The following SLFN5 variants were observed in gnomAD, a reference collection of about 807,000 sequenced individuals.
The protein encoded by SLFN5 is schlafen family member 5.
SLFN5 carries 34 observed loss-of-function variants against 48.5 expected under a neutral mutation model. The ratio of observed to expected loss-of-function variants is 0.70; its 90% confidence interval spans 0.53 to 0.93. The LOEUF (loss-of-function observed/expected upper bound fraction) is 0.93, where lower values mean the gene tolerates loss of function less well. Ranked by LOEUF, SLFN5 falls within the 40% of genes least tolerant of loss-of-function variation. The pLI, the probability that SLFN5 is intolerant of heterozygous loss-of-function variation, is 0.00. For synonymous variants in SLFN5, 387 were observed against 396.2 expected, an observed-to-expected ratio of 0.98 and a Z score of 0.28; for missense variants, 1,006 against 1,071.3, an observed-to-expected ratio of 0.94 and a Z score of 0.85.
intron 2 of SLFN5, among the ~76,000 whole-genome samples, chr17:35,260,641 A>AGACGG (rs1254916147): frequency 4.6e-5 from 7 of 152,216 alleles, no homozygotes; most frequent in African/African-American, 1.7e-4. Flanking sequence ...TGAACCTGAG[A>AGACGG]GACGGAGGTT....
In SLFN5 at chr17:35,266,944, G is replaced by C. The variant is rs1315337444; in HGVS notation, c.*1056G>C. The C allele has an allele frequency of 1.3e-5, 2 of 152,116 alleles. No homozygotes were observed. Among genetic ancestry groups the C allele is most frequent in the Admixed American group, 1.3e-4 (2 of 15,268 alleles). The allele number at this position is 152,116 out of a possible 1,614,324, so 9.4% of individuals were successfully genotyped here. ...TGAGAGACAGAAACTAAAAAATTCA[G>C]AGTTAATTCACTATTAAAAACAGCA... On this transcript the variant is annotated 3_prime_UTR_variant, in exon 5 of 5. Coordinates refer to ENST00000299977, the MANE Select transcript of SLFN5 (RefSeq NM_144975.4).
rs1041488502 is a variant in SLFN5, at chr17:35,271,653, A to G, written c.*5765A>G. ...AAGATTAAAAATTATAAATATATCA[A>G]TTTTCACTGTTAATCTATAAATTCA... On this transcript the variant is annotated 3_prime_UTR_variant, in exon 5 of 5. Transcript: ENST00000299977. 2 of 152,214 alleles carry G rather than the reference A, an allele frequency of 1.3e-5. No individual in the cohort carries two copies. The highest frequency in any genetic ancestry group is 2.9e-5 in the Non-Finnish European group (2 of 68,036). The allele number at this position is 152,214 out of a possible 1,614,324, so 9.4% of individuals were successfully genotyped here. A position where few individuals can be genotyped will look rare whatever the true frequency, so the allele number is the denominator to read the frequency against.
In SLFN5 at chr17:35,270,118, T is replaced by C. The variant is rs1379356646; in HGVS notation, c.*4230T>C. ...TTTTAAAATATTATGTATCATATCC[T>C]TCGATTTAACATAATTCTATCTAGC... On this transcript the variant is annotated 3_prime_UTR_variant, in exon 5 of 5. Coordinates refer to ENST00000299977, the MANE Select transcript of SLFN5 (RefSeq NM_144975.4). 4 of 152,066 alleles carry C rather than the reference T, an allele frequency of 2.6e-5. No individual in the cohort carries two copies. Among genetic ancestry groups the C allele is most frequent in the Non-Finnish European group, 5.9e-5 (4 of 67,998 alleles). 9.4% of individuals were successfully genotyped at this position (152,066 alleles called of 1,614,324 possible). A position where few individuals can be genotyped will look rare whatever the true frequency, so the allele number is the denominator to read the frequency against.
intron 1 of SLFN5, among the ~76,000 whole-genome samples, chr17:35,243,893 G>T (rs2092424835): frequency 6.6e-6 from 1 of 152,214 alleles, no homozygotes; most frequent in Admixed American, 6.5e-5. Context: ...AAGCGAGAAG[G>T]CAAGAGGTCA....
At chr17:35,243,905 G>T (rs1413288749) in intron 1 of SLFN5, among the ~76,000 whole-genome samples, 1 of 152,184 alleles carries the variant, frequency 6.6e-6, no homozygotes, top group Non-Finnish European at 1.5e-5. Flanking sequence ...AAGAGGTCAA[G>T]ATCTCTCAAA....
chr17:35,253,774 T>A (rs138232615), intron 1 of SLFN5, among the ~76,000 whole-genome samples: 1 of 140,774 alleles, frequency 7.1e-6, no homozygotes, highest in Non-Finnish European at 1.5e-5. Context: ...CTCAGCTCAC[T>A]GCAATCTCCA....
intron 1 of SLFN5, among the ~76,000 whole-genome samples, chr17:35,257,734 A>G (rs1214866865): frequency 1.3e-5 from 2 of 151,940 alleles, no homozygotes; most frequent in Non-Finnish European, 2.9e-5. Flanking sequence ...CAAGATGGAA[A>G]CCGTTTGGAT....
chr17:35,264,750 G>T lies in SLFN5; in HGVS notation c.1706G>T (p.Arg569Leu). 1 of 1,600,334 alleles carries T rather than the reference G, an allele frequency of 6.2e-7. No individual in the cohort carries two copies. The highest frequency in any genetic ancestry group is 8.5e-7 in the Non-Finnish European group (1 of 1,174,808). ...KQYELLSKNLRKTRELFVHGL... is the reference protein window; with the variant it reads ...KQYELLSKNLLKTRELFVHGL... ...TATGAGTTGCTTTCAAAGAACCTTCGCAAGACCAGAGAGTTGTTTGTTCAT... is the reference window on the plus strand; with the variant it reads ...TATGAGTTGCTTTCAAAGAACCTTCTCAAGACCAGAGAGTTGTTTGTTCAT... Residue 569 changes from arginine to leucine, a missense_variant, in exon 4 of 5, where the codon CGC (arginine) becomes CTC (leucine). Arg to Leu is a moderately radical substitution (Grantham distance 102, BLOSUM62 -2). Transcript: ENST00000299977.
At chr17:35,251,699 C>T (rs1049840317) in intron 1 of SLFN5, among the ~76,000 whole-genome samples, 1 of 135,098 alleles carries the variant, frequency 7.4e-6, no homozygotes, top group Admixed American at 8.3e-5. Flanking sequence ...CCATGGCGCC[C>T]GGACTTTTTT....
rs1017180842 is a variant in SLFN5 at position 35,266,021 on chromosome 17, C to T, written c.*133C>T. On this transcript the variant is annotated 3_prime_UTR_variant, in exon 5 of 5. Transcript: ENST00000299977. ...TTTTCTAGGTGCTGGGGATTGAGAA[C>T]GAATCGATGTAAGATTCCTCCTTTA... 4.7e-5 allele frequency: 44 copies of T among 935,826 alleles called. No homozygotes were observed. Among genetic ancestry groups the T allele is most frequent in the Non-Finnish European group, 6.0e-5 (39 of 647,674 alleles). 58.0% of individuals were successfully genotyped at this position (935,826 alleles called of 1,614,324 possible).
intron 3 of SLFN5, among the ~76,000 whole-genome samples, chr17:35,263,139 A>AT (rs946785350): frequency 7.3e-5 from 11 of 150,552 alleles, no homozygotes; most frequent in South Asian, 2.1e-4. Context: ...TTATTTATTT[A>AT]TTTTTTTTTG....
chr17:35,248,893 G>A lies in SLFN5; in HGVS notation c.-41+5750G>A, dbSNP rs11080329. 3.7e-3 allele frequency among the ~76,000 whole-genome samples: 560 copies of A among 152,218 alleles called. 12 individuals carry two copies. In the East Asian group the frequency reaches 0.065, roughly 18 times the overall value. ...AGGTGCTAAATCCTGGAGGGCAAAA[G>A]CTGATTGGACAGACTCAGAAAGGGA... On this transcript the variant is annotated intron_variant, in intron 1 of 4. Coordinates refer to ENST00000299977, the MANE Select transcript of SLFN5 (RefSeq NM_144975.4).
At chr17:35,248,027 C>T (rs553090221) in intron 1 of SLFN5, among the ~76,000 whole-genome samples, 11 of 152,282 alleles carry the variant, frequency 7.2e-5, no homozygotes, top group African/African-American at 2.4e-4. Context: ...GGACCTGAGA[C>T]ACAAAGTGCA....
In SLFN5 at chr17:35,260,985, C is replaced by T; in HGVS notation, c.1027C>T (p.Pro343Ser). The change falls in exon 3 of 5, where the codon CCT (proline) becomes TCT (serine). Residue 343 changes from proline to serine, a missense_variant. Physicochemically the swap from Pro to Ser is moderately conservative, Grantham distance 74. Transcript: ENST00000299977. ...TGTTTCCTAAGACCTTTCCAGGTGT[C>T]CTGAGATGGTTCTCCAGTTGAGTTT... ...MEADPDLSRCPEMVLQLSLSS... is the reference protein window; with the variant it reads ...MEADPDLSRCSEMVLQLSLSS... 2 of 1,613,862 alleles carry T rather than the reference C, an allele frequency of 1.2e-6. No homozygotes were observed. The highest frequency in any genetic ancestry group is 1.7e-6 in the Non-Finnish European group (2 of 1,179,858).
chr17:35,245,131 C>T (rs1437951412), intron 1 of SLFN5, among the ~76,000 whole-genome samples: 1 of 152,200 alleles, frequency 6.6e-6, no homozygotes, highest in Non-Finnish European at 1.5e-5. Flanking sequence ...TTTCCCTATA[C>T]TTTCACTGTT....
rs1904833642 is a variant in SLFN5, at chr17:35,271,630, GATTAA to G, written c.*5744_*5748del. On this transcript the variant is annotated 3_prime_UTR_variant, in exon 5 of 5. Coordinates refer to ENST00000299977, the MANE Select transcript of SLFN5 (RefSeq NM_144975.4). Reference sequence around the variant, plus strand: ...AGCAGACCACGTTTTTGGATAAGAAGATTAAAAATTATAAATATATCAATTTTCAC... The same window carrying G: ...AGCAGACCACGTTTTTGGATAAGAAGAAATTATAAATATATCAATTTTCAC... The G allele has an allele frequency of 6.6e-6, 1 of 152,072 alleles. No homozygotes were observed. Among genetic ancestry groups the G allele is most frequent in the South Asian group, 2.1e-4 (1 of 4,824 alleles). The allele number at this position is 152,072 out of a possible 1,614,324, so 9.4% of individuals were successfully genotyped here. A position where few individuals can be genotyped will look rare whatever the true frequency, so the allele number is the denominator to read the frequency against.
chr17:35,261,680 T>C (rs543878396), intron 3 of SLFN5, among the ~76,000 whole-genome samples: 4 of 150,412 alleles, frequency 2.7e-5, no homozygotes, highest in Non-Finnish European at 5.9e-5. Context: ...CCAGTCTTTT[T>C]TTTTTTTTTT....
chr17:35,266,536 A>C lies in SLFN5; in HGVS notation c.*648A>C, dbSNP rs1407335519. The stretch of plus-strand genomic sequence containing the variant: ...TAGTGTTTTTGATCACTATATTTTA[A>C]AATGCTTTTTGTGAGCCTTTTGGTT... On this transcript the variant is annotated 3_prime_UTR_variant, in exon 5 of 5. Coordinates refer to ENST00000299977, the MANE Select transcript of SLFN5 (RefSeq NM_144975.4). 1 of 152,082 alleles carries C rather than the reference A, an allele frequency of 6.6e-6. No individual in the cohort carries two copies. Among genetic ancestry groups the C allele is most frequent in the African/African-American group, 2.4e-5 (1 of 41,388 alleles). 9.4% of individuals were successfully genotyped at this position (152,082 alleles called of 1,614,324 possible).
intron 1 of SLFN5, among the ~76,000 whole-genome samples, chr17:35,249,626 A>T (rs1490562615): frequency 6.6e-6 from 1 of 152,176 alleles, no homozygotes; most frequent in Non-Finnish European, 1.5e-5. Flanking sequence ...TCCATCTCCC[A>T]GCCCTTAACT....
Sources: gnomAD v4.1 joint callset for allele counts (sites outside exome capture counted in the v4.1 genomes callset) on GRCh38, gnomAD v4.1.1 for gene constraint, MANE v1.5 for transcripts, NCBI Gene and HGNC (gene_info 2026-07-23, HGNC 2026-07-21) for gene names.